The following ADAM12 variants were observed in gnomAD, a reference collection of about 807,000 sequenced individuals.
The protein encoded by ADAM12 is disintegrin and metalloproteinase domain-containing protein 12.
ADAM12 carries 70 observed loss-of-function variants against 106.4 expected under a neutral mutation model. That is an observed-to-expected ratio of 0.66 (90% CI 0.54 to 0.80). ADAM12 has a LOEUF of 0.80. ADAM12 is among the 30% of genes least tolerant of loss of function. The pLI, the probability that ADAM12 is intolerant of heterozygous loss-of-function variation, is 0.00. For missense variants in ADAM12, 1,010 were observed against 1,171.9 expected, an observed-to-expected ratio of 0.86 and a Z score of 2.02; for synonymous variants, 420 against 433.5, an observed-to-expected ratio of 0.97 and a Z score of 0.39.
chr10:126,046,747 G>C (rs747972332), intron 16 of ADAM12, among the ~76,000 whole-genome samples: 1 of 141,970 alleles, frequency 7.0e-6, no homozygotes, highest in Non-Finnish European at 1.5e-5. Context: ...AGGTTGCAGT[G>C]AGCCGAGATC....
At chr10:126,303,274 G>T (rs747466991) in intron 2 of ADAM12, among the ~76,000 whole-genome samples, 15 of 152,184 alleles carry the variant, frequency 9.9e-5, no homozygotes, top group African/African-American at 1.4e-4. Flanking sequence ...TATCACCAAT[G>T]TAACAACAGC....
At chr10:126,164,547 G>A (rs1490502214) in intron 3 of ADAM12, among the ~76,000 whole-genome samples, 1 of 152,132 alleles carries the variant, frequency 6.6e-6, no homozygotes, top group African/African-American at 2.4e-5. Flanking sequence ...GGGACTAAGG[G>A]CCAAGAGCTT....
intron 3 of ADAM12, among the ~76,000 whole-genome samples, chr10:126,267,921 A>C (rs113420286): frequency 6.6e-6 from 1 of 152,210 alleles, no homozygotes; most frequent in East Asian, 1.9e-4. Context: ...TTAGATAATA[A>C]AAACAAACCA....
chr10:126,077,903 G>A (rs12572084), intron 11 of ADAM12, among the ~76,000 whole-genome samples: 46,388 of 151,886 alleles, frequency 0.31, 7,293 homozygotes, highest in East Asian at 0.45. Context: ...ATTTGATCAA[G>A]ACACAGAACT....
chr10:126,160,050 T>C (rs1375078444), intron 3 of ADAM12, among the ~76,000 whole-genome samples: 1 of 152,186 alleles, frequency 6.6e-6, no homozygotes, highest in Non-Finnish European at 1.5e-5. Flanking sequence ...AAAAGAAATG[T>C]TGATTTACAG....
Position 126,388,279 on chromosome 10 carries a change from C to A in ADAM12, c.-134G>T, listed in dbSNP as rs969066661. On this transcript the variant is annotated 5_prime_UTR_variant, in exon 1 of 23. Coordinates refer to ENST00000448723, the MANE Select transcript of ADAM12 (RefSeq NM_001288973.2). This position sits in a 1 kb window ranked among gnomAD's most constrained non-coding sequence, Gnocchi z 4.4. ...CTCGGCGAGTCAGCTCCGGAGCCCT[C>A]GCGCAGCGCCCGCGCCGCCGCTGAG... 3 of 1,150,962 alleles carry A rather than the reference C, an allele frequency of 2.6e-6. No homozygotes were observed. Among genetic ancestry groups the A allele is most frequent in the South Asian group, 4.4e-5 (1 of 22,722 alleles). 71.3% of individuals were successfully genotyped at this position (1,150,962 alleles called of 1,614,324 possible).
chr10:126,024,832 CAAAT>C (rs1054468361), intron 21 of ADAM12, among the ~76,000 whole-genome samples: 32 of 144,044 alleles, frequency 2.2e-4, no homozygotes, highest in Non-Finnish European at 3.8e-4. Flanking sequence ...ATTCAGGAAA[CAAAT>C]AGACACATGG....
In ADAM12 at chr10:126,358,278, A is replaced by G. The variant is rs537184809; in HGVS notation, c.89-27769T>C. Among the ~76,000 whole-genome samples, 9 of 152,300 alleles carry G rather than the reference A, an allele frequency of 5.9e-5. No homozygotes were observed. In the South Asian group the frequency reaches 1.9e-3, roughly 32 times the overall value. On this transcript the variant is annotated intron_variant, in intron 1 of 22. Coordinates refer to ENST00000448723, the MANE Select transcript of ADAM12 (RefSeq NM_001288973.2). ...CCTAGCACACCAAATTCAAAAACAC[A>G]TTAAAAGGATCATTCATCATGATCA...
Position 126,053,306 on chromosome 10 carries a change from G to T in ADAM12, c.1610-3637C>A, listed in dbSNP as rs7912734. On this transcript the variant is annotated intron_variant, in intron 14 of 22. Coordinates refer to ENST00000448723, the MANE Select transcript of ADAM12 (RefSeq NM_001288973.2). The surrounding 1 kb of genome is among the most constrained non-coding windows in gnomAD (Gnocchi z 4.6). ...AGTCTCAGGTATTTATTTATTTATA[G>T]CAGTGTGAGAACAGACTAATACAGG... Among the ~76,000 whole-genome samples the T allele has an allele frequency of 0.12, 17,675 of 151,990 alleles. 1,889 individuals are homozygous for T. Among genetic ancestry groups the T allele is most frequent in the East Asian group, 0.39 (2,023 of 5,166 alleles).
chr10:126,069,610 A>G (rs1328040990), intron 12 of ADAM12, among the ~76,000 whole-genome samples: 1 of 152,246 alleles, frequency 6.6e-6, no homozygotes, highest in Non-Finnish European at 1.5e-5. Context: ...TTAGGCACTC[A>G]AGCATTTGCT....
At chr10:126,135,452 C>A in intron 5 of ADAM12, 132 bp downstream of exon 5, 1 of 818,308 alleles carries the variant, frequency 1.2e-6, no homozygotes, top group Non-Finnish European at 2.0e-6. Flanking sequence ...TGTTCTCTTG[C>A]CTAGGTGGAG....
intron 3 of ADAM12, among the ~76,000 whole-genome samples, chr10:126,224,568 G>A (rs770807443): frequency 5.9e-5 from 9 of 152,212 alleles, no homozygotes; most frequent in South Asian, 2.1e-4. Context: ...CCTGGGTGGC[G>A]GTGGGGGCGT....
intron 3 of ADAM12, among the ~76,000 whole-genome samples, chr10:126,202,718 G>C (rs1339728771): frequency 6.6e-6 from 1 of 152,102 alleles, no homozygotes; most frequent in African/African-American, 2.4e-5. Flanking sequence ...GGGGCCAAGA[G>C]GCAAAAGAGC....
chr10:126,227,654 G>C (rs1193448771), intron 3 of ADAM12, among the ~76,000 whole-genome samples: 1 of 152,150 alleles, frequency 6.6e-6, no homozygotes, highest in Non-Finnish European at 1.5e-5. Context: ...CCCTGGCCCA[G>C]ATAAGAAGAT....
chr10:126,315,505 T>C (rs141142984), intron 2 of ADAM12, among the ~76,000 whole-genome samples: 1 of 152,234 alleles, frequency 6.6e-6, no homozygotes, highest in East Asian at 1.9e-4. Context: ...GCAACTGAAG[T>C]ATGTGGCATA....
At chr10:126,180,613 GT>G (rs1392049343) in intron 3 of ADAM12, among the ~76,000 whole-genome samples, 1 of 152,110 alleles carries the variant, frequency 6.6e-6, no homozygotes, top group Non-Finnish European at 1.5e-5. Flanking sequence ...TCTAGCACCT[GT>G]TTCACAAGGA....
intron 1 of ADAM12, among the ~76,000 whole-genome samples, chr10:126,353,805 C>T (rs777149887): frequency 2.0e-5 from 3 of 152,120 alleles, no homozygotes; most frequent in Non-Finnish European, 4.4e-5. Context: ...AAGCTCCCTG[C>T]GGTAATCAAT....
chr10:126,231,385 T>A (rs1205804553), intron 3 of ADAM12, among the ~76,000 whole-genome samples: 12 of 138,586 alleles, frequency 8.7e-5, no homozygotes, highest in Non-Finnish European at 1.6e-4. Flanking sequence ...AATAGAAGAT[T>A]AGTAGGAAAA....
At chr10:126,063,868 GAC>G (rs1954808674) in intron 14 of ADAM12, among the ~76,000 whole-genome samples, 1 of 152,192 alleles carries the variant, frequency 6.6e-6, no homozygotes, top group African/African-American at 2.4e-5. Flanking sequence ...ATGGAGGAGA[GAC>G]ACGCAGGGGA....
Sources: allele counts gnomAD v4.1 joint callset (sites outside exome capture counted in the v4.1 genomes callset), GRCh38; gene constraint gnomAD v4.1.1; non-coding constraint Gnocchi (gnomAD v3.1); transcripts MANE v1.5; gene names NCBI Gene and HGNC (gene_info 2026-07-23, HGNC 2026-07-21).